Variants in THSD7B observed in about 807,000 individuals in gnomAD.
THSD7B encodes the protein thrombospondin type-1 domain-containing protein 7B.
Under a neutral mutation model 213.6 loss-of-function variants are expected in THSD7B, and 138 were observed. The observed-to-expected ratio is 0.65, with a 90% confidence interval of 0.56 to 0.74. THSD7B has a LOEUF of 0.74. THSD7B is among the 30% of genes least tolerant of loss of function. The probability of loss-of-function intolerance (pLI) is 0.00; values close to 1 mark genes in which losing one functional copy is unlikely to be tolerated. For synonymous variants in THSD7B, 742 were observed against 687.0 expected, an observed-to-expected ratio of 1.08 and a Z score of -1.25; for missense variants, 1,931 against 1,991.5, an observed-to-expected ratio of 0.97 and a Z score of 0.58.
chr2:137,004,899 A>C (rs140541065), intron 2 of THSD7B, among the ~76,000 whole-genome samples: 14 of 152,350 alleles, frequency 9.2e-5, no homozygotes, highest in Non-Finnish European at 1.5e-4. Context: ...CTAAATAACT[A>C]TGAAGAGGTA....
Position 136,977,811 on chromosome 2 carries a change from T to TTTTGTTG in THSD7B, c.140-78606_140-78605insGTTGTTT, listed in dbSNP as rs1558874176. On this transcript the variant is annotated intron_variant, in intron 2 of 27. Transcript: ENST00000409968. ...TTTTTTCTTTTCTTTGTTTTTTTTT[T>TTTTGTTG]TTTTTTTTTTTAAACGGAGTCTTGC... Among the ~76,000 whole-genome samples, 5 of 150,660 alleles carry TTTTGTTG rather than the reference T, an allele frequency of 3.3e-5. No homozygotes were observed. The South Asian group carries it at 6.3e-4, about 19-fold the overall frequency.
At chr2:137,263,786 T>C (rs11895694) in intron 10 of THSD7B, among the ~76,000 whole-genome samples, 4,796 of 152,240 alleles carry the variant, frequency 0.032, 78 homozygotes, top group East Asian at 0.052. Context: ...CTGCTCTATA[T>C]ATGGAACACC....
chr2:137,352,186 A>G (rs1685029350), intron 12 of THSD7B, among the ~76,000 whole-genome samples: 1 of 151,696 alleles, frequency 6.6e-6, no homozygotes. Context: ...AGGAGGGAAA[A>G]AGAGAGGAGA....
At chr2:136,829,693 A>C (rs1488439630) in intron 1 of THSD7B, among the ~76,000 whole-genome samples, 1 of 152,214 alleles carries the variant, frequency 6.6e-6, no homozygotes, top group East Asian at 1.9e-4. Flanking sequence ...AATCAAAATT[A>C]ATAGGGACAG....
intron 4 of THSD7B, among the ~76,000 whole-genome samples, chr2:137,114,635 C>T (rs1195698442): frequency 6.6e-6 from 1 of 152,178 alleles, no homozygotes; most frequent in East Asian, 1.9e-4. Flanking sequence ...GAGTTTCTTA[C>T]ATCAAGAAGA....
rs537464104 is a variant in THSD7B, at chr2:137,108,620, G to A, written c.1200-6504G>A. ...GTGTCCTGTATCTCTTTATGAGGAC[G>A]TGTATTTCCACAGTTACAGGAGGGT... is the stretch of plus-strand genomic sequence containing the variant. On this transcript the variant is annotated intron_variant, in intron 4 of 27. Transcript: ENST00000409968. Among the ~76,000 whole-genome samples the A allele has an allele frequency of 3.2e-4, 48 of 152,256 alleles. 1 individual carries two copies. In the Middle Eastern group the frequency reaches 0.017, roughly 54 times the overall value.
At chr2:137,648,462 T>G (rs954638939) in intron 21 of THSD7B, among the ~76,000 whole-genome samples, 1 of 152,174 alleles carries the variant, frequency 6.6e-6, no homozygotes, top group Non-Finnish European at 1.5e-5. Flanking sequence ...AGCTTCCACA[T>G]ATGAGTGAGA....
chr2:137,121,586 A>G (rs990102257), intron 5 of THSD7B, among the ~76,000 whole-genome samples: 4 of 152,176 alleles, frequency 2.6e-5, no homozygotes, highest in Admixed American at 1.3e-4. Flanking sequence ...GTAATAGTTC[A>G]GCTTTCCTAA....
intron 15 of THSD7B, among the ~76,000 whole-genome samples, chr2:137,457,562 G>A (rs1208879429): frequency 6.6e-6 from 1 of 152,174 alleles, no homozygotes. Flanking sequence ...GATAGCATTA[G>A]CTTCAACAGG....
At chr2:137,129,125 T>G (rs2104951116) in intron 5 of THSD7B, among the ~76,000 whole-genome samples, 1 of 152,288 alleles carries the variant, frequency 6.6e-6, no homozygotes, top group Non-Finnish European at 1.5e-5. Flanking sequence ...ATCTGTAACC[T>G]TTTATAAAGA....
At chr2:137,423,947 A>G (rs1686983159) in intron 14 of THSD7B, among the ~76,000 whole-genome samples, 1 of 122,970 alleles carries the variant, frequency 8.1e-6, no homozygotes, top group Non-Finnish European at 1.9e-5. Context: ...ACACTGTGGT[A>G]CTGGCATAAG....
At chr2:136,849,302 C>A (rs1473408764) in intron 1 of THSD7B, among the ~76,000 whole-genome samples, 5 of 152,106 alleles carry the variant, frequency 3.3e-5, no homozygotes, top group African/African-American at 9.7e-5. Flanking sequence ...TAATGCTAAA[C>A]TCATTTTGAG....
intron 13 of THSD7B, among the ~76,000 whole-genome samples, chr2:137,411,105 T>C (rs1686641725): frequency 6.6e-6 from 1 of 152,260 alleles, no homozygotes; most frequent in South Asian, 2.1e-4. Flanking sequence ...TGATCATTTA[T>C]TTCAATTTAT....
chr2:137,269,309 C>A (rs1322934978), intron 10 of THSD7B, among the ~76,000 whole-genome samples: 1 of 152,180 alleles, frequency 6.6e-6, no homozygotes, highest in Non-Finnish European at 1.5e-5. Flanking sequence ...CTGTTTTTCT[C>A]AAACTTTAGA....
At chr2:137,269,108 TG>T (rs1682672371) in intron 10 of THSD7B, among the ~76,000 whole-genome samples, 1 of 152,254 alleles carries the variant, frequency 6.6e-6, no homozygotes, top group Middle Eastern at 3.4e-3. Context: ...TCTCTGGTAT[TG>T]TTTCCCTAGC....
At chr2:136,891,894 C>A (rs1683866462) in intron 2 of THSD7B, among the ~76,000 whole-genome samples, 2 of 152,192 alleles carry the variant, frequency 1.3e-5, no homozygotes, top group Admixed American at 1.3e-4. Flanking sequence ...AGTGTTCTCA[C>A]TTGGGTTCGT....
chr2:137,468,025 T>C (rs893382570), intron 15 of THSD7B, among the ~76,000 whole-genome samples: 57 of 152,232 alleles, frequency 3.7e-4, no homozygotes, highest in African/African-American at 1.2e-3. Flanking sequence ...CTCATAAGAA[T>C]GCTAATGAAG....
chr2:137,023,810 A>AC (rs1686491843), intron 2 of THSD7B, among the ~76,000 whole-genome samples: 1 of 151,982 alleles, frequency 6.6e-6, no homozygotes, highest in African/African-American at 2.4e-5. Context: ...GAATTGTGAC[A>AC]TTTTTTCCCT....
At chr2:137,560,565 G>T (rs567213156) in intron 15 of THSD7B, among the ~76,000 whole-genome samples, 4 of 152,096 alleles carry the variant, frequency 2.6e-5, no homozygotes, top group Non-Finnish European at 4.4e-5. Context: ...CCTGTTGTGG[G>T]GTGGGTGGAA....
Sources: gnomAD v4.1 joint callset for allele counts (sites outside exome capture counted in the v4.1 genomes callset) on GRCh38, gnomAD v4.1.1 for gene constraint, MANE v1.5 for transcripts, NCBI Gene and HGNC (gene_info 2026-07-23, HGNC 2026-07-21) for gene names.